Variants in UNC5D observed in about 807,000 individuals in gnomAD.
UNC5D encodes the protein unc-5 netrin receptor D, also known as netrin receptor UNC5D.
UNC5D carries 39 observed loss-of-function variants against 105.4 expected under a neutral mutation model. That is an observed-to-expected ratio of 0.37 (90% CI 0.29 to 0.48). The LOEUF (loss-of-function observed/expected upper bound fraction) is 0.48. UNC5D is among the 20% of genes least tolerant of loss of function. UNC5D has a pLI of 0.98. For synonymous variants in UNC5D, 452 were observed against 450.4 expected (o/e 1.00, Z -0.04); for missense variants, 991 against 1,202.4 (o/e 0.82, Z 2.60).
At chr8:35,324,752 G>T (rs183682278) in intron 1 of UNC5D, among the ~76,000 whole-genome samples, 24 of 152,236 alleles carry the variant, frequency 1.6e-4, no homozygotes, top group South Asian at 8.3e-4. Context: ...TGGATTTTTT[G>T]ATCAAATTAG....
intron 1 of UNC5D, among the ~76,000 whole-genome samples, chr8:35,260,463 G>A (rs940822413): frequency 6.6e-6 from 1 of 152,160 alleles, no homozygotes; most frequent in African/African-American, 2.4e-5. Flanking sequence ...TTTTATTTAT[G>A]CTTATTATTA....
chr8:35,771,998 G>A (rs1802031037), intron 15 of UNC5D, among the ~76,000 whole-genome samples: 2 of 152,064 alleles, frequency 1.3e-5, no homozygotes, highest in South Asian at 4.1e-4. Flanking sequence ...AAAGTGTTGA[G>A]ATTTACTCCA....
intron 4 of UNC5D, among the ~76,000 whole-genome samples, chr8:35,680,778 T>G (rs1000504923): frequency 6.6e-6 from 1 of 152,170 alleles, no homozygotes; most frequent in African/African-American, 2.4e-5. Context: ...GGCTATCTAC[T>G]TGGTGTGAAT....
chr8:35,489,498 C>G lies in UNC5D; in HGVS notation c.104-59794C>G, dbSNP rs189657102. On this transcript the variant is annotated intron_variant, in intron 1 of 16. Coordinates refer to ENST00000404895, the MANE Select transcript of UNC5D (RefSeq NM_080872.4). ...ATCTAATCTTACTGATGTCCTTATA[C>G]GAATAGAAATTTGGACACAGAAACA... Among the ~76,000 whole-genome samples, 246 of 152,198 alleles carry G rather than the reference C, an allele frequency of 1.6e-3. 1 individual carries two copies. The highest frequency in any genetic ancestry group is 3.1e-3 in the Admixed American group (47 of 15,292).
chr8:35,596,913 C>G (rs1260073110), intron 4 of UNC5D, among the ~76,000 whole-genome samples: 1 of 152,026 alleles, frequency 6.6e-6, no homozygotes, highest in Non-Finnish European at 1.5e-5. Flanking sequence ...TTTGGGGGCC[C>G]CAAGGTTTAT....
At chr8:35,706,217 G>A (rs1586489122) in intron 8 of UNC5D, among the ~76,000 whole-genome samples, 1 of 152,258 alleles carries the variant, frequency 6.6e-6, no homozygotes, top group African/African-American at 2.4e-5. Flanking sequence ...CTCTGCAAAT[G>A]TCATCTAGGA....
intron 1 of UNC5D, among the ~76,000 whole-genome samples, chr8:35,322,405 A>G (rs973524599): frequency 2.0e-5 from 3 of 151,920 alleles, no homozygotes; most frequent in South Asian, 2.1e-4. Flanking sequence ...GTTGAAAAAC[A>G]CAAAACACTT....
chr8:35,544,299 G>A, intron 1 of UNC5D: 1 of 1,351,556 alleles, frequency 7.4e-7, no homozygotes, highest in Non-Finnish European at 9.9e-7. Context: ...ATTAAGTGAA[G>A]CTTGGAGTGC....
intron 1 of UNC5D, among the ~76,000 whole-genome samples, chr8:35,451,388 C>T (rs925691596): frequency 4.6e-5 from 7 of 152,068 alleles, no homozygotes; most frequent in Non-Finnish European, 1.0e-4. Flanking sequence ...GGCAAGTGAA[C>T]ACTTCATCTA....
chr8:35,675,479 G>A (rs2131298481), intron 4 of UNC5D, among the ~76,000 whole-genome samples: 1 of 152,212 alleles, frequency 6.6e-6, no homozygotes, highest in East Asian at 1.9e-4. Flanking sequence ...GATGAATTGA[G>A]ACACTTTAGA....
chr8:35,292,257 C>A (rs1370011088), intron 1 of UNC5D, among the ~76,000 whole-genome samples: 1 of 152,172 alleles, frequency 6.6e-6, no homozygotes, highest in East Asian at 1.9e-4. Flanking sequence ...GTCCGAATTG[C>A]ATTCAGGGCA....
intron 13 of UNC5D, among the ~76,000 whole-genome samples, chr8:35,757,183 T>C (rs532682709): frequency 6.6e-6 from 1 of 152,294 alleles, no homozygotes; most frequent in East Asian, 1.9e-4. Flanking sequence ...ATTTACAAGA[T>C]TGGTACTCTT....
intron 1 of UNC5D, chr8:35,254,863 G>C (rs888394183): frequency 1.3e-5 from 2 of 152,102 alleles, no homozygotes; most frequent in African/African-American, 4.8e-5. Context: ...ACAGGGCTAT[G>C]TTTGGTAAAA....
chr8:35,391,565 G>A (rs16883904), intron 1 of UNC5D, among the ~76,000 whole-genome samples: 63,802 of 152,014 alleles, frequency 0.42, 13,761 homozygotes, highest in East Asian at 0.7. Flanking sequence ...ACCAGTGGAA[G>A]AAATGCCCCA....
At chr8:35,260,857 T>C (rs1194434130) in intron 1 of UNC5D, among the ~76,000 whole-genome samples, 2 of 152,210 alleles carry the variant, frequency 1.3e-5, no homozygotes, top group African/African-American at 4.8e-5. Flanking sequence ...GCAGCATTAA[T>C]CTACAGGCTG....
chr8:35,681,494 T>C (rs1193424589), intron 4 of UNC5D, among the ~76,000 whole-genome samples: 1 of 152,212 alleles, frequency 6.6e-6, no homozygotes, highest in Non-Finnish European at 1.5e-5. Context: ...CTCTGAAATA[T>C]GCAATGGTAG....
chr8:35,414,844 T>C (rs1464668378), intron 1 of UNC5D, among the ~76,000 whole-genome samples: 1 of 152,132 alleles, frequency 6.6e-6, no homozygotes. Context: ...TTAATTTCTT[T>C]TTCAGTCCCA....
chr8:35,496,157 A>C lies in UNC5D; in HGVS notation c.104-53135A>C, dbSNP rs570150821. ...TTCCCCAAGGTAATCCTTCAGGTGC[A>C]ATCTAAAGGAGGAGTAGAAACAGAG... On this transcript the variant is annotated intron_variant, in intron 1 of 16. Coordinates refer to ENST00000404895, the MANE Select transcript of UNC5D (RefSeq NM_080872.4). 5.6e-3 allele frequency among the ~76,000 whole-genome samples: 850 copies of C among 152,344 alleles called. 3 individuals carry two copies. Among genetic ancestry groups the C allele is most frequent in the Non-Finnish European group, 9.8e-3 (665 of 68,034 alleles).
At chr8:35,359,315 G>A (rs774990102) in intron 1 of UNC5D, among the ~76,000 whole-genome samples, 166 of 152,318 alleles carry the variant, frequency 1.1e-3, no homozygotes, top group Non-Finnish European at 1.9e-3. Context: ...CATGGACTGT[G>A]AAGTCTCTCA....
Sources: gnomAD v4.1 joint callset for allele counts (sites outside exome capture counted in the v4.1 genomes callset) on GRCh38, gnomAD v4.1.1 for gene constraint, MANE v1.5 for transcripts, NCBI Gene and HGNC (gene_info 2026-07-23, HGNC 2026-07-21) for gene names.